The following JAKMIP2 variants were observed in gnomAD, a reference collection of about 807,000 sequenced individuals.
JAKMIP2 encodes the protein janus kinase and microtubule-interacting protein 2.
In JAKMIP2, 25 loss-of-function variants were observed where a neutral mutation model predicts 115.0. That is an observed-to-expected ratio of 0.22 (90% CI 0.16 to 0.30). The LOEUF (loss-of-function observed/expected upper bound fraction) is 0.30. JAKMIP2 is among the 10% of genes least tolerant of loss of function. The probability of loss-of-function intolerance (pLI) is 1.00; values close to 1 mark genes in which losing one functional copy is unlikely to be tolerated. For missense variants in JAKMIP2, 642 were observed against 957.6 expected, an observed-to-expected ratio of 0.67 and a Z score of 4.35; for synonymous variants, 334 against 343.6, an observed-to-expected ratio of 0.97 and a Z score of 0.31.
intron 1 of JAKMIP2, among the ~76,000 whole-genome samples, chr5:147,701,123 T>A (rs968016209): frequency 5.9e-5 from 9 of 152,030 alleles, no homozygotes; most frequent in African/African-American, 2.2e-4. Flanking sequence ...AAGGAAAAAG[T>A]CTCAAAGGAG....
chr5:147,609,646 T>G (rs1756209887), intron 20 of JAKMIP2, among the ~76,000 whole-genome samples: 1 of 152,192 alleles, frequency 6.6e-6, no homozygotes, highest in Non-Finnish European at 1.5e-5. Flanking sequence ...ATCTGATGAT[T>G]ATGTGTCTTA....
In JAKMIP2 at chr5:147,644,060, T is replaced by G. The variant is rs1411250855; in HGVS notation, c.1222A>C (p.Arg408=). ...TTTACAGATTGATTGACACGTACCC[T>G]TGTGAGCTCATCAATAATGTTCTGT... ...EQQNIIDELT[R]DREKLIRRRK... is the part of the protein sequence containing the mutation. The change falls in exon 7 of 22, where the codon AGG becomes CGG. Residue 408 remains arginine (R), a splice_region_variant and synonymous_variant. Transcript: ENST00000616793. 2.5e-6 allele frequency: 4 copies of G among 1,585,272 alleles called. No homozygotes were observed. Among genetic ancestry groups the G allele is most frequent in the Non-Finnish European group, 3.4e-6 (4 of 1,160,616 alleles).
At chr5:147,640,497 G>A (rs1757830763) in intron 9 of JAKMIP2, among the ~76,000 whole-genome samples, 1 of 152,148 alleles carries the variant, frequency 6.6e-6, no homozygotes, top group Admixed American at 6.6e-5. Flanking sequence ...GAGTTGAACT[G>A]GAGAGAAATT....
In JAKMIP2 at chr5:147,648,222, T is replaced by C. The variant is rs76716145; in HGVS notation, c.936+154A>G. Among the ~76,000 whole-genome samples, 84 of 152,170 alleles carry C rather than the reference T, an allele frequency of 5.5e-4. No homozygotes were observed. The East Asian group carries it at 0.013, about 24-fold the overall frequency. On this transcript the variant is annotated intron_variant, in intron 5 of 21. Coordinates refer to ENST00000616793, the MANE Select transcript of JAKMIP2 (RefSeq NM_001270941.2). Reference sequence around the variant, plus strand: ...TTCCATTTATTCATCTGGATGGTGGTTTTTTGAGTGTGCCACTTTGTGAAT... The same window carrying C: ...TTCCATTTATTCATCTGGATGGTGGCTTTTTGAGTGTGCCACTTTGTGAAT...
intron 18 of JAKMIP2, among the ~76,000 whole-genome samples, chr5:147,619,874 C>T (rs760251069): frequency 6.6e-6 from 1 of 152,128 alleles, no homozygotes; most frequent in South Asian, 2.1e-4. Flanking sequence ...TTACTATCCT[C>T]GTATGTAAGA....
At chr5:147,624,308 T>C (rs1048318461) in intron 16 of JAKMIP2, among the ~76,000 whole-genome samples, 2 of 152,102 alleles carry the variant, frequency 1.3e-5, no homozygotes, top group South Asian at 2.1e-4. Context: ...GAGAACACCA[T>C]AGGAGGCTTT....
At chr5:147,685,087 T>C (rs1460762296) in intron 1 of JAKMIP2, among the ~76,000 whole-genome samples, 2 of 152,212 alleles carry the variant, frequency 1.3e-5, no homozygotes, top group African/African-American at 2.4e-5. Context: ...TCCCTATAAC[T>C]TGAGTTAATA....
At chr5:147,648,106 T>C (rs1345522604) in intron 5 of JAKMIP2, among the ~76,000 whole-genome samples, 1 of 152,190 alleles carries the variant, frequency 6.6e-6, no homozygotes, top group Non-Finnish European at 1.5e-5. Flanking sequence ...GATAGACATC[T>C]ATGGCGATTG....
intron 1 of JAKMIP2, among the ~76,000 whole-genome samples, chr5:147,711,112 C>A (rs1752762525): frequency 1.3e-5 from 2 of 152,242 alleles, no homozygotes; most frequent in South Asian, 4.1e-4. Context: ...TTTTTACTCT[C>A]ATGAAAACTT....
At chr5:147,624,454 A>G (rs1269236080) in intron 16 of JAKMIP2, among the ~76,000 whole-genome samples, 1 of 152,232 alleles carries the variant, frequency 6.6e-6, no homozygotes, top group African/African-American at 2.4e-5. Flanking sequence ...GAGAGAAAGA[A>G]GGCCAGGTAC....
At chr5:147,702,732 AAG>A (rs1373190535) in intron 1 of JAKMIP2, among the ~76,000 whole-genome samples, 3 of 152,038 alleles carry the variant, frequency 2.0e-5, no homozygotes, top group Non-Finnish European at 2.9e-5. Flanking sequence ...CCAAGGGGGA[AAG>A]AGACTGACAG....
chr5:147,727,770 T>C (rs1463077465), intron 1 of JAKMIP2, among the ~76,000 whole-genome samples: 1 of 152,186 alleles, frequency 6.6e-6, no homozygotes, highest in Non-Finnish European at 1.5e-5. Flanking sequence ...GCTATAGGTA[T>C]ATTTTAAAGG....
chr5:147,724,550 C>A (rs1484244327), intron 1 of JAKMIP2, among the ~76,000 whole-genome samples: 1 of 152,100 alleles, frequency 6.6e-6, no homozygotes, highest in South Asian at 2.1e-4. Flanking sequence ...CAAATAAAAA[C>A]CATTATCATT....
intron 20 of JAKMIP2, among the ~76,000 whole-genome samples, chr5:147,605,105 T>A (rs1311409562): frequency 1.3e-5 from 2 of 152,026 alleles, no homozygotes; most frequent in Non-Finnish European, 2.9e-5. Context: ...GTTAGTTTGC[T>A]GAGAATGACT....
chr5:147,619,232 AT>A (rs1756734414), intron 18 of JAKMIP2, among the ~76,000 whole-genome samples: 2 of 152,104 alleles, frequency 1.3e-5, no homozygotes, highest in Non-Finnish European at 2.9e-5. Context: ...CTTTTTAAGG[AT>A]AAATATGGTT....
At position 147,718,879 on chromosome 5, in the gene JAKMIP2, C is replaced by A. The variant is rs533034916; in HGVS notation, c.-148-46925G>T. Among the ~76,000 whole-genome samples the A allele has an allele frequency of 8.3e-4, 122 of 146,290 alleles. No individual in the cohort carries two copies. In the South Asian group the frequency reaches 0.019, roughly 22 times the overall value. On this transcript the variant is annotated intron_variant, in intron 1 of 21. Transcript: ENST00000616793. ...CTGCTCTGATTTTAGTTATTTCTTG[C>A]CTTCTGCTAGCTTTTGAATGTGTTT...
chr5:147,707,166 C>T (rs949786704), intron 1 of JAKMIP2, among the ~76,000 whole-genome samples: 6 of 152,246 alleles, frequency 3.9e-5, no homozygotes, highest in African/African-American at 1.4e-4. Context: ...GAAATGAACA[C>T]GTGCTCTTAG....
Position 147,691,474 on chromosome 5 carries a change from T to G in JAKMIP2, c.-148-19520A>C, listed in dbSNP as rs182477331. Among the ~76,000 whole-genome samples the G allele has an allele frequency of 1.6e-3, 250 of 152,292 alleles. 3 individuals are homozygous for G. The highest frequency in any genetic ancestry group is 9.4e-4 in the Non-Finnish European group (64 of 68,032). On this transcript the variant is annotated intron_variant, in intron 1 of 21. Coordinates refer to ENST00000616793, the MANE Select transcript of JAKMIP2 (RefSeq NM_001270941.2). ...CATTCTTTCTCCTTATTGTTGAAAT[T>G]TACAAAGTACTTGAATACGATGCAG...
chr5:147,721,772 C>T (rs961970160), intron 1 of JAKMIP2, among the ~76,000 whole-genome samples: 19 of 152,162 alleles, frequency 1.2e-4, no homozygotes, highest in African/African-American at 3.9e-4. Flanking sequence ...TGAGATGAAC[C>T]CGGTACCTCA....
Sources: allele counts gnomAD v4.1 joint callset (sites outside exome capture counted in the v4.1 genomes callset), GRCh38; gene constraint gnomAD v4.1.1; transcripts MANE v1.5; gene names NCBI Gene and HGNC (gene_info 2026-07-23, HGNC 2026-07-21).